L3MBTL4: variants seen among roughly 807,000 people sequenced by gnomAD.
L3MBTL4 encodes lethal(3)malignant brain tumor-like protein 4.
Under a neutral mutation model 84.5 loss-of-function variants are expected in L3MBTL4, and 70 were observed. That is an observed-to-expected ratio of 0.83 (90% CI 0.68 to 1.01). L3MBTL4 has a LOEUF of 1.01. Among genes scored for constraint, L3MBTL4 ranks in the 50% least tolerant of loss-of-function variants. L3MBTL4 has a pLI of 0.00. For synonymous variants in L3MBTL4, 274 were observed against 259.8 expected (o/e 1.05, Z -0.52); for missense variants, 715 against 754.8 (o/e 0.95, Z 0.62).
At chr18:6,219,178 T>C (rs2046445233) in intron 10 of L3MBTL4, among the ~76,000 whole-genome samples, 1 of 151,898 alleles carries the variant, frequency 6.6e-6, no homozygotes, top group Non-Finnish European at 1.5e-5. Context: ...GTGGAAGAAA[T>C]GGTATCTGAA....
chr18:6,347,896 C>T (rs1251629968), intron 1 of L3MBTL4, among the ~76,000 whole-genome samples: 2 of 151,870 alleles, frequency 1.3e-5, no homozygotes, highest in Non-Finnish European at 2.9e-5. Context: ...TTCCAGACAA[C>T]AGGATCTGAA....
At chr18:6,074,220 G>A (rs1412154980) in intron 16 of L3MBTL4, among the ~76,000 whole-genome samples, 1 of 152,164 alleles carries the variant, frequency 6.6e-6, no homozygotes, top group African/African-American at 2.4e-5. Context: ...TGGAGGTAGG[G>A]TCAGCATTTC....
chr18:6,111,348 T>G (rs2144099869), intron 14 of L3MBTL4, among the ~76,000 whole-genome samples: 1 of 152,330 alleles, frequency 6.6e-6, no homozygotes, highest in Non-Finnish European at 1.5e-5. Flanking sequence ...TATATTTGAA[T>G]TATAATGTAA....
intron 16 of L3MBTL4, among the ~76,000 whole-genome samples, chr18:5,988,124 A>G (rs1006681243): frequency 1.3e-5 from 2 of 152,246 alleles, no homozygotes; most frequent in Middle Eastern, 3.2e-3. Context: ...CAGAGACTTC[A>G]CTTGCCAAGA....
chr18:6,303,491 G>A (rs2050434425), intron 3 of L3MBTL4, among the ~76,000 whole-genome samples: 1 of 152,164 alleles, frequency 6.6e-6, no homozygotes. Context: ...TTTAGCAGCT[G>A]ATTTATACAA....
intron 13 of L3MBTL4, among the ~76,000 whole-genome samples, chr18:6,150,211 T>G (rs1386592447): frequency 6.6e-6 from 1 of 152,120 alleles, no homozygotes; most frequent in Non-Finnish European, 1.5e-5. Flanking sequence ...CAAATATGTA[T>G]AAATATGAAA....
Position 6,351,831 on chromosome 18 carries a change from G to A in L3MBTL4, c.-90-39775C>T, listed in dbSNP as rs536742443. 5.3e-5 allele frequency among the ~76,000 whole-genome samples: 8 copies of A among 152,070 alleles called. No homozygotes were observed. In the South Asian group the frequency reaches 1.7e-3, roughly 32 times the overall value. On this transcript the variant is annotated intron_variant, in intron 1 of 18. Coordinates refer to ENST00000317931, the MANE Select transcript of L3MBTL4 (RefSeq NM_001330559.2). Reference sequence around the variant, plus strand: ...CTCCCAAAGTGCTGGGATTACAGGCGTGAGCAACCGCGCCCAGCCTAAATG... The same window carrying A: ...CTCCCAAAGTGCTGGGATTACAGGCATGAGCAACCGCGCCCAGCCTAAATG...
intron 12 of L3MBTL4, among the ~76,000 whole-genome samples, chr18:6,189,383 C>T (rs2044949784): frequency 6.6e-6 from 1 of 152,160 alleles, no homozygotes; most frequent in African/African-American, 2.4e-5. Flanking sequence ...TTGTGGACCA[C>T]CATGCAACCC....
intron 5 of L3MBTL4, among the ~76,000 whole-genome samples, chr18:6,254,799 A>G (rs2048069344): frequency 1.3e-5 from 2 of 152,194 alleles, no homozygotes; most frequent in Non-Finnish European, 2.9e-5. Context: ...ACTAATAGTA[A>G]GAAATTTGGC....
At chr18:6,112,613 C>T (rs2059229223) in intron 14 of L3MBTL4, among the ~76,000 whole-genome samples, 3 of 152,204 alleles carry the variant, frequency 2.0e-5, no homozygotes, top group South Asian at 2.1e-4. Context: ...ATCTCTGCTC[C>T]GTATTCAGAT....
chr18:6,211,914 G>T (rs2145782198), intron 12 of L3MBTL4, among the ~76,000 whole-genome samples: 1 of 152,302 alleles, frequency 6.6e-6, no homozygotes, highest in East Asian at 1.9e-4. Context: ...CTCCCAAAAT[G>T]CTGGGATTGC....
intron 1 of L3MBTL4, among the ~76,000 whole-genome samples, chr18:6,350,010 T>C (rs910424503): frequency 2.6e-5 from 4 of 152,202 alleles, no homozygotes; most frequent in Non-Finnish European, 1.5e-5. Context: ...AAAGCTTACT[T>C]AAGTTTGAGT....
chr18:6,143,535 A>ATGGT (rs1379668597), intron 13 of L3MBTL4, among the ~76,000 whole-genome samples: 6 of 152,216 alleles, frequency 3.9e-5, no homozygotes, highest in Non-Finnish European at 8.8e-5. Context: ...CTCTAAGATA[A>ATGGT]AGGAAACCTA....
chr18:6,086,377 A>C (rs1263884712), intron 15 of L3MBTL4, among the ~76,000 whole-genome samples: 1 of 152,230 alleles, frequency 6.6e-6, no homozygotes, highest in Non-Finnish European at 1.5e-5. Flanking sequence ...AGAGATTAAG[A>C]ATAAATTTTA....
chr18:6,107,458 G>C (rs2059048837), intron 14 of L3MBTL4, among the ~76,000 whole-genome samples: 1 of 152,180 alleles, frequency 6.6e-6, no homozygotes, highest in Non-Finnish European at 1.5e-5. Context: ...GAGGGATGGG[G>C]ACAGGACCTG....
chr18:6,369,177 TC>T (rs1405093348), intron 1 of L3MBTL4, among the ~76,000 whole-genome samples: 6 of 152,096 alleles, frequency 3.9e-5, no homozygotes, highest in Middle Eastern at 6.8e-3. Flanking sequence ...GGGCAGTGTG[TC>T]CCCCACATAC....
chr18:6,365,440 T>C (rs1428464678), intron 1 of L3MBTL4, among the ~76,000 whole-genome samples: 1 of 152,248 alleles, frequency 6.6e-6, no homozygotes, highest in Non-Finnish European at 1.5e-5. Flanking sequence ...TCTAACTTAT[T>C]CTGTCTGCTT....
At chr18:6,108,354 G>A (rs775353530) in intron 14 of L3MBTL4, among the ~76,000 whole-genome samples, 4 of 151,946 alleles carry the variant, frequency 2.6e-5, no homozygotes, top group African/African-American at 7.3e-5. Context: ...CTTTAAATTC[G>A]TCAATTTAAA....
intron 16 of L3MBTL4, among the ~76,000 whole-genome samples, chr18:6,039,277 A>G (rs2056295396): frequency 6.6e-6 from 1 of 152,084 alleles, no homozygotes; most frequent in African/African-American, 2.4e-5. Flanking sequence ...TACAGTTGCT[A>G]TCTAGGATTG....
Sources: gnomAD v4.1 joint callset for allele counts (sites outside exome capture counted in the v4.1 genomes callset) on GRCh38, gnomAD v4.1.1 for gene constraint, MANE v1.5 for transcripts, NCBI Gene and HGNC (gene_info 2026-07-23, HGNC 2026-07-21) for gene names.